NVL: variants seen among roughly 807,000 people sequenced by gnomAD.
The protein encoded by NVL is nuclear valosin-containing protein-like.
NVL carries 84 observed loss-of-function variants against 110.2 expected under a neutral mutation model. The observed-to-expected ratio is 0.76, with a 90% CI of 0.64 to 0.91. The LOEUF (loss-of-function observed/expected upper bound fraction) is 0.91, where lower values mean the gene tolerates loss of function less well. Ranked by LOEUF, NVL falls within the 40% of genes least tolerant of loss-of-function variation. The pLI is 0.00. For missense variants in NVL, 882 were observed against 1,035.9 expected (o/e 0.85, Z 2.04); for synonymous variants, 354 against 361.1 (o/e 0.98, Z 0.22).
Position 224,240,131 on chromosome 1 carries a change from G to A in NVL, c.2290-3549C>T, listed in dbSNP as rs904873413. On this transcript the variant is annotated intron_variant, in intron 19 of 22. Transcript: ENST00000281701. ...GGCCCAGGCTGGAGTGCAGTGGTGC[G>A]ATCTCAGCTCACTGCAACCTCCGCC... 8.4e-4 allele frequency among the ~76,000 whole-genome samples: 120 copies of A among 143,286 alleles called. 1 individual carries two copies. Among genetic ancestry groups the A allele is most frequent in the African/African-American group, 3.1e-3 (119 of 38,636 alleles). The allele number at this position is 143,286 out of a possible 152,430, so 94.0% of individuals were successfully genotyped here.
chr1:224,234,411 G>A (rs1358245392), intron 20 of NVL, among the ~76,000 whole-genome samples: 1 of 151,768 alleles, frequency 6.6e-6, no homozygotes, highest in Non-Finnish European at 1.5e-5. Context: ...CCTCATCTCT[G>A]GACATTAAAC....
At chr1:224,323,624 C>T (rs1235915466) in intron 2 of NVL, among the ~76,000 whole-genome samples, 1 of 152,152 alleles carries the variant, frequency 6.6e-6, no homozygotes, top group Non-Finnish European at 1.5e-5. Context: ...ATAAAACCAT[C>T]CAGTTGTGAA....
chr1:224,264,907 C>T (rs752819248), intron 18 of NVL, among the ~76,000 whole-genome samples: 8 of 152,150 alleles, frequency 5.3e-5, no homozygotes, highest in South Asian at 2.1e-4. Flanking sequence ...CCACCATGCC[C>T]GGCTAATCTT....
intron 4 of NVL, among the ~76,000 whole-genome samples, chr1:224,317,351 A>G (rs998389045): frequency 5.9e-5 from 9 of 152,208 alleles, no homozygotes; most frequent in Admixed American, 6.5e-5. Context: ...GTATGATATG[A>G]TAAGGATTAT....
intron 5 of NVL, among the ~76,000 whole-genome samples, chr1:224,310,388 TG>T (rs948770354): frequency 1.2e-4 from 18 of 152,250 alleles, no homozygotes; most frequent in African/African-American, 4.3e-4. Context: ...CCATGGATAG[TG>T]AGGGCCGACT....
At chr1:224,259,391 G>A (rs1028969959) in intron 18 of NVL, among the ~76,000 whole-genome samples, 9 of 151,886 alleles carry the variant, frequency 5.9e-5, no homozygotes, top group African/African-American at 1.9e-4. Flanking sequence ...CATGGCCCAG[G>A]TGATGCAAAT....
At chr1:224,249,744 CA>C (rs35413676) in intron 19 of NVL, among the ~76,000 whole-genome samples, 1 of 150,362 alleles carries the variant, frequency 6.7e-6, no homozygotes, top group African/African-American at 2.4e-5. Context: ...GACTCTGCCT[CA>C]AAAAAAAGGA....
intron 19 of NVL, among the ~76,000 whole-genome samples, chr1:224,248,665 T>C (rs1397179175): frequency 6.6e-6 from 1 of 152,148 alleles, no homozygotes. Context: ...GAAAAGTGGG[T>C]GCGAAGAGAA....
chr1:224,230,201 G>C (rs770061493), intron 22 of NVL, among the ~76,000 whole-genome samples: 2 of 152,138 alleles, frequency 1.3e-5, no homozygotes, highest in Non-Finnish European at 2.9e-5. Flanking sequence ...GAAATGTATG[G>C]GTAAGTCCCT....
intron 4 of NVL, among the ~76,000 whole-genome samples, chr1:224,313,878 C>G (rs1669798924): frequency 6.6e-6 from 1 of 152,220 alleles, no homozygotes; most frequent in South Asian, 2.1e-4. Context: ...TGGTGGGTGC[C>G]TGTAATCCCA....
intron 18 of NVL, among the ~76,000 whole-genome samples, chr1:224,260,772 G>C (rs1663884796): frequency 6.8e-6 from 1 of 146,022 alleles, no homozygotes; most frequent in African/African-American, 2.6e-5. Flanking sequence ...TGCAATCATA[G>C]CTCACTGTGG....
chr1:224,299,394 T>C (rs2102678861), intron 10 of NVL, among the ~76,000 whole-genome samples: 1 of 152,290 alleles, frequency 6.6e-6, no homozygotes, highest in East Asian at 1.9e-4. Flanking sequence ...CTTGATTGGA[T>C]TTCACCTTTT....
chr1:224,245,770 A>G (rs1661736804), intron 19 of NVL, among the ~76,000 whole-genome samples: 1 of 151,686 alleles, frequency 6.6e-6, no homozygotes, highest in African/African-American at 2.4e-5. Context: ...CCTGGCCAAC[A>G]TGGTGAAACC....
chr1:224,230,330 C>G (rs759646352), intron 22 of NVL, among the ~76,000 whole-genome samples: 3 of 152,126 alleles, frequency 2.0e-5, no homozygotes, highest in African/African-American at 7.2e-5. Context: ...GTGGGCTGGG[C>G]GCAGTGGCTC....
intron 5 of NVL, among the ~76,000 whole-genome samples, chr1:224,310,450 T>C (rs1334797873): frequency 6.6e-6 from 1 of 152,090 alleles, no homozygotes; most frequent in African/African-American, 2.4e-5. Context: ...ACTAATGCCA[T>C]CTCCTTGACA....
intron 18 of NVL, among the ~76,000 whole-genome samples, chr1:224,261,262 T>C (rs1415014150): frequency 6.6e-6 from 1 of 152,132 alleles, no homozygotes; most frequent in Non-Finnish European, 1.5e-5. Flanking sequence ...TGCCTCAGCC[T>C]CCCAAAGTGC....
chr1:224,248,480 T>C (rs867567003), intron 19 of NVL, among the ~76,000 whole-genome samples: 3 of 152,184 alleles, frequency 2.0e-5, no homozygotes, highest in South Asian at 4.1e-4. Context: ...TGCCCTGTTC[T>C]CCCTCCTCGG....
At position 224,289,699 on chromosome 1, in the gene NVL, G is replaced by C. The variant is rs1180947943; in HGVS notation, c.1360C>G (p.Pro454Ala). The C allele has an allele frequency of 1.2e-6, 2 of 1,614,168 alleles. No individual in the cohort carries two copies. Among genetic ancestry groups the C allele is most frequent in the East Asian group, 2.2e-5 (1 of 44,890 alleles). The change falls in exon 13 of 23, where the codon CCT (proline) becomes GCT (alanine). Residue 454 changes from proline to alanine, a missense_variant. By Grantham distance (27) the Pro-to-Ala change is conservative. Around this residue, in one of 4 missense-constraint regions of NVL, gnomAD observed 416 missense variants for 499.3 expected, o/e 0.83. Coordinates refer to ENST00000281701, the MANE Select transcript of NVL (RefSeq NM_002533.4). ...AAGTGACAGAAATCAAAAGCTTGAG[G>C]AAGCCTCAGTTTTCTGCACAATGTT... ...LQTLCRKLRLPQAFDFCHLAH... is the reference protein window; with the variant it reads ...LQTLCRKLRLAQAFDFCHLAH...
chr1:224,317,866 A>T lies in NVL; in HGVS notation c.184+12T>A. On this transcript the variant is annotated intron_variant, in intron 3 of 22. Coordinates refer to ENST00000281701, the MANE Select transcript of NVL (RefSeq NM_002533.4). ...ACTTTATTGATAATTTAGCTCTAAC[A>T]ATAAGACTCACCTTTTTCTACCTGA... 1 of 985,424 alleles carries T rather than the reference A, an allele frequency of 1.0e-6. No homozygotes were observed. Among genetic ancestry groups the T allele is most frequent in the Non-Finnish European group, 1.4e-6 (1 of 693,068 alleles). 61.0% of individuals were successfully genotyped at this position (985,424 alleles called of 1,614,324 possible).
Sources: allele counts gnomAD v4.1 joint callset (sites outside exome capture counted in the v4.1 genomes callset), GRCh38; gene constraint gnomAD v4.1.1; regional missense constraint gnomAD v4.1.1; transcripts MANE v1.5; gene names NCBI Gene and HGNC (gene_info 2026-07-23, HGNC 2026-07-21).